Variants in VIP observed in about 807,000 individuals in gnomAD.
VIP encodes the protein VIP peptides.
Under a neutral mutation model 20.1 loss-of-function variants are expected in VIP, and 18 were observed. The observed-to-expected ratio is 0.90, with a 90% CI of 0.62 to 1.33. The LOEUF (loss-of-function observed/expected upper bound fraction) is 1.33, where lower values mean the gene tolerates loss of function less well. Ranked by LOEUF, VIP falls within the 40% of genes most tolerant of loss-of-function variation. VIP has a pLI of 0.00. For missense variants in VIP, 209 were observed against 199.4 expected (o/e 1.05, Z -0.29); for synonymous variants, 70 against 68.1 (o/e 1.03, Z -0.14).
At position 152,755,361 on chromosome 6, in the gene VIP, GA is replaced by G. The variant is rs2099730268; in HGVS notation, c.327del (p.Lys109AsnfsTer35). The G allele has an allele frequency of 2.6e-6, 4 of 1,565,394 alleles. No individual in the cohort carries two copies. Among genetic ancestry groups the G allele is most frequent in the African/African-American group, 2.7e-5 (2 of 73,094 alleles). ...AAAAAGTACCTTGAGTCTCTTATGGGAAAACGTGTTAGGTAAAGAGAATTTA... is the reference window on the plus strand; with the variant it reads ...AAAAAGTACCTTGAGTCTCTTATGGGAAACGTGTTAGGTAAAGAGAATTTA... ...SAKKYLESLMGKRVSSNISED... is the reference protein window; with the variant it reads ...SAKKYLESLMXKRVSSNISED... On this transcript the variant is annotated frameshift_variant, in exon 4 of 7. Coordinates refer to ENST00000367244, the MANE Select transcript of VIP (RefSeq NM_003381.4). LOFTEE classifies it high-confidence loss of function.
chr6:152,757,130 T>A lies in VIP; in HGVS notation c.502T>A (p.Leu168Ile). The A allele has an allele frequency of 6.2e-7, 1 of 1,611,636 alleles. No individual in the cohort carries two copies. The highest frequency in any genetic ancestry group is 8.5e-7 in the Non-Finnish European group (1 of 1,178,584). Residue 168 changes from leucine (L) to isoleucine (I), a missense_variant, in exon 6 of 7, where the codon TTA (leucine) becomes ATA (isoleucine). By Grantham distance (5) the Leu-to-Ile change is conservative (BLOSUM62 2). Coordinates refer to ENST00000367244, the MANE Select transcript of VIP (RefSeq NM_003381.4). The part of the protein sequence containing the change: ...EGESPDFPEE[L>I]EK ...AGAATCTCCCGACTTTCCAGAAGAGTTAGAAAAATGATGAAAAAGACCTTT... is the reference window on the plus strand; with the variant it reads ...AGAATCTCCCGACTTTCCAGAAGAGATAGAAAAATGATGAAAAAGACCTTT...
intron 5 of VIP, 58 bp from the exon 6 acceptor site, chr6:152,757,038 C>G: frequency 6.4e-7 from 1 of 1,552,520 alleles, no homozygotes; most frequent in Non-Finnish European, 8.9e-7. Flanking sequence ...ATAATAGTTT[C>G]TTTAGACCCT....
rs1432303513 is a variant in VIP at position 152,755,391 on chromosome 6, T to C, written c.335+18T>C. On this transcript the variant is annotated intron_variant, in intron 4 of 6. Transcript: ENST00000367244. ...CGTGTTAGGTAAAGAGAATTTATTA[T>C]TTTTATAAAATATGTTATCATTATT... The C allele has an allele frequency of 7.2e-7, 1 of 1,391,038 alleles. No homozygotes were observed. The highest frequency in any genetic ancestry group is 9.8e-7 in the Non-Finnish European group (1 of 1,023,934). 86.2% of individuals were successfully genotyped at this position (1,391,038 alleles called of 1,614,324 possible). A position where few individuals can be genotyped will look rare whatever the true frequency, so the allele number is the denominator to read the frequency against.
chr6:152,751,638 T>C (rs1242415193), intron 1 of VIP, among the ~76,000 whole-genome samples: 1 of 152,084 alleles, frequency 6.6e-6, no homozygotes, highest in Non-Finnish European at 1.5e-5. Context: ...ATATCTACAA[T>C]TGAAAGAGGA....
At chr6:152,755,930 TC>T (rs1428625490) in intron 4 of VIP, among the ~76,000 whole-genome samples, 1 of 151,920 alleles carries the variant, frequency 6.6e-6, no homozygotes, top group African/African-American at 2.4e-5. Flanking sequence ...CATAAAACAG[TC>T]CCAGGCCATG....
chr6:152,758,821 T>C (rs576247615), intron 6 of VIP, 89 bp from the exon 7 acceptor site: 1 of 152,208 alleles, frequency 6.6e-6, no homozygotes, highest in Non-Finnish European at 1.5e-5. Context: ...GAAATAAGTG[T>C]TTATCAGATA....
chr6:152,757,919 A>C (rs1243343964), intron 6 of VIP, among the ~76,000 whole-genome samples: 1 of 151,976 alleles, frequency 6.6e-6, no homozygotes, highest in Non-Finnish European at 1.5e-5. Flanking sequence ...ACATTCGCTC[A>C]TAAAAAATCT....
chr6:152,751,386 C>A (rs2099729604), intron 1 of VIP, among the ~76,000 whole-genome samples: 1 of 151,746 alleles, frequency 6.6e-6, no homozygotes, highest in Admixed American at 6.6e-5. Flanking sequence ...GTTTAAATTC[C>A]ATAATTTTTA....
At chr6:152,757,561 G>T (rs1416925201) in intron 6 of VIP, among the ~76,000 whole-genome samples, 1 of 151,834 alleles carries the variant, frequency 6.6e-6, no homozygotes, top group Non-Finnish European at 1.5e-5. Flanking sequence ...TTAATTGAAG[G>T]TTTAGTCTCA....
Position 152,755,337 on chromosome 6 carries a change from A to G in VIP, c.299A>G (p.Lys100Arg), listed in dbSNP as rs546317468. The G allele has an allele frequency of 6.3e-7, 1 of 1,595,268 alleles. No homozygotes were observed. The highest frequency in any genetic ancestry group is 2.3e-5 in the East Asian group (1 of 43,954). Residue 100 changes from lysine (K) to arginine (R), a missense_variant, in exon 4 of 7, where the codon AAA (lysine) becomes AGA (arginine). By Grantham distance (26) the Lys-to-Arg change is conservative. Transcript: ENST00000367244. The stretch of plus-strand genomic sequence containing the variant: ...AAACTCTTGGGTCAACTTTCTGCCA[A>G]AAAGTACCTTGAGTCTCTTATGGGA... ...FSKLLGQLSA[K>R]KYLESLMGKR... is the part of the protein sequence containing the mutation.
In VIP at chr6:152,752,228, T is replaced by C. The variant is rs1314949068; in HGVS notation, c.51T>C (p.Ser17=). The change falls in exon 2 of 7, where the codon AGT becomes AGC. Residue 17 remains serine (S), a synonymous_variant. Coordinates refer to ENST00000367244, the MANE Select transcript of VIP (RefSeq NM_003381.4). The part of the protein sequence containing the change: ...AQLLVLLTLL[S]VLFSQTSAWP... The stretch of plus-strand genomic sequence containing the variant: ...TCCTTGTGCTCCTGACTCTTCTCAG[T>C]GTGCTCTTCTCACAGACTTCGGCAT... The C allele has an allele frequency of 6.2e-7, 1 of 1,613,628 alleles. No homozygotes were observed.
chr6:152,753,626 CA>C (rs1289772205), intron 2 of VIP, among the ~76,000 whole-genome samples: 1 of 151,960 alleles, frequency 6.6e-6, no homozygotes, highest in Non-Finnish European at 1.5e-5. Flanking sequence ...TCTGTCAATA[CA>C]GAGAAATATA....
chr6:152,754,661 A>G (rs1050388633), intron 3 of VIP, among the ~76,000 whole-genome samples: 2 of 152,006 alleles, frequency 1.3e-5, no homozygotes, highest in Non-Finnish European at 2.9e-5. Context: ...GTTCATTCAT[A>G]GAGCTGTTTG....
At chr6:152,754,931 A>G (rs536177116) in intron 3 of VIP, among the ~76,000 whole-genome samples, 13 of 152,134 alleles carry the variant, frequency 8.5e-5, no homozygotes, top group Middle Eastern at 3.4e-3. Flanking sequence ...ACCATGTACA[A>G]ATAGCAGCTA....
Position 152,759,655 on chromosome 6 carries a change from T to C in VIP, c.*789T>C, listed in dbSNP as rs2129075537. 1 of 152,108 alleles carries C rather than the reference T, an allele frequency of 6.6e-6. No individual in the cohort carries two copies. Among genetic ancestry groups the C allele is most frequent in the East Asian group, 1.9e-4 (1 of 5,170 alleles). The allele number at this position is 152,108 out of a possible 1,614,324, so 9.4% of individuals were successfully genotyped here. On this transcript the variant is annotated 3_prime_UTR_variant, in exon 7 of 7. Coordinates refer to ENST00000367244, the MANE Select transcript of VIP (RefSeq NM_003381.4). ...ATAATGACTCAGAATATTGCTTTGG[T>C]CATATGAGCTTCCTTCTGTGAAAGT... is the stretch of plus-strand genomic sequence containing the variant.
chr6:152,755,509 T>C, intron 4 of VIP, 136 bp downstream of exon 4: 1 of 549,056 alleles, frequency 1.8e-6, no homozygotes, highest in Non-Finnish European at 3.0e-6. Context: ...TTAAATGAAA[T>C]AACTTGTATT....
At chr6:152,754,573 C>T (rs2099730123) in intron 3 of VIP, among the ~76,000 whole-genome samples, 1 of 151,902 alleles carries the variant, frequency 6.6e-6, no homozygotes, top group South Asian at 2.1e-4. Context: ...GATAAAAGTA[C>T]AGCATTTAGC....
chr6:152,752,502 A>G (rs2099729797), intron 2 of VIP, among the ~76,000 whole-genome samples: 1 of 151,690 alleles, frequency 6.6e-6, no homozygotes, highest in Non-Finnish European at 1.5e-5. Context: ...TATTAGTTTT[A>G]TGGGCTGAGT....
intron 2 of VIP, 113 bp from the exon 3 acceptor site, chr6:152,754,053 G>A: frequency 1.7e-6 from 2 of 1,175,116 alleles, no homozygotes; most frequent in Non-Finnish European, 2.3e-6. Flanking sequence ...CTCATATTAT[G>A]ACTGGGTAAT....
Sources: gnomAD v4.1 joint callset for allele counts (sites outside exome capture counted in the v4.1 genomes callset) on GRCh38, gnomAD v4.1.1 for gene constraint, MANE v1.5 for transcripts, NCBI Gene and HGNC (gene_info 2026-07-23, HGNC 2026-07-21) for gene names.